Variants in FER1L5 observed in about 807,000 individuals in gnomAD.
FER1L5 encodes the protein fer-1 like family member 5.
Under a neutral mutation model 279.9 loss-of-function variants are expected in FER1L5, and 187 were observed. The observed-to-expected ratio is 0.67, with a 90% confidence interval of 0.59 to 0.75. The LOEUF (loss-of-function observed/expected upper bound fraction) is 0.75. Among genes scored for constraint, FER1L5 ranks in the 30% least tolerant of loss-of-function variants. The pLI, the probability that FER1L5 is intolerant of heterozygous loss-of-function variation, is 0.00. For missense variants in FER1L5, 2,091 were observed against 2,594.4 expected (o/e 0.81, Z 4.21); for synonymous variants, 921 against 989.7 (o/e 0.93, Z 1.30).
rs561334727 is a variant in FER1L5, at chr2:96,704,281, A to G, written c.5868A>G (p.Lys1956=). 9 of 1,613,938 alleles carry G rather than the reference A, an allele frequency of 5.6e-6. No homozygotes were observed. The South Asian group carries it at 6.6e-5, about 12-fold the overall frequency. ...PVQNFCYIFW[K]RYRFKLIAFM... Reference sequence around the variant, plus strand: ...AAAACTTCTGCTATATTTTCTGGAAACGCTATCGCTTCAAACTCATAGCCT... The same window carrying G: ...AAAACTTCTGCTATATTTTCTGGAAGCGCTATCGCTTCAAACTCATAGCCT... The change falls in exon 52 of 53, where the codon AAA becomes AAG. Residue 1956 remains lysine (K), a synonymous_variant. Transcript: ENST00000624922.
At chr2:96,668,708 A>C (rs1487061857) in intron 14 of FER1L5, 43 bp from the exon 15 acceptor site, 22 of 1,550,446 alleles carry the variant, frequency 1.4e-5, no homozygotes, top group Non-Finnish European at 1.8e-5. Flanking sequence ...GGGCCAGACC[A>C]TCCCAATGTG....
intron 23 of FER1L5, among the ~76,000 whole-genome samples, chr2:96,687,515 G>A (rs1295499147): frequency 2.6e-5 from 4 of 152,252 alleles, no homozygotes; most frequent in Non-Finnish European, 5.9e-5. Flanking sequence ...AACTGGCACA[G>A]TGCCAGCCCA....
chr2:96,654,705 G>A (rs2075525908), intron 9 of FER1L5: 1 of 298,846 alleles, frequency 3.3e-6, no homozygotes, highest in Non-Finnish European at 6.1e-6. Flanking sequence ...CGAGACCATC[G>A]TGGCTAACAC....
intron 1 of FER1L5, 117 bp from the exon 2 acceptor site, chr2:96,646,284 C>A: frequency 1.9e-6 from 2 of 1,071,234 alleles, no homozygotes; most frequent in Non-Finnish European, 2.7e-6. Context: ...AGGCGTTAGC[C>A]ACCATGCCCG....
chr2:96,698,285 T>C lies in FER1L5; in HGVS notation c.4356+129T>C. The C allele has an allele frequency of 7.4e-7, 1 of 1,358,814 alleles. No individual in the cohort carries two copies. The highest frequency in any genetic ancestry group is 1.5e-5 in the South Asian group (1 of 66,180). 84.2% of individuals were successfully genotyped at this position (1,358,814 alleles called of 1,614,324 possible). A position where few individuals can be genotyped will look rare whatever the true frequency, so the allele number is the denominator to read the frequency against. On this transcript the variant is annotated intron_variant, in intron 40 of 52. Coordinates refer to ENST00000624922, the MANE Select transcript of FER1L5 (RefSeq NM_001293083.2). The surrounding 1 kb of genome is among the most constrained non-coding windows in gnomAD (Gnocchi z 5.5). The stretch of plus-strand genomic sequence containing the variant: ...GCAGGGCTTGAGAACGTTCTGGGAG[T>C]GGAGGAGCAGAGATTCGCCTCCACA...
intron 9 of FER1L5, among the ~76,000 whole-genome samples, chr2:96,657,598 G>T (rs991813206): frequency 2.0e-5 from 3 of 151,846 alleles, no homozygotes; most frequent in Non-Finnish European, 4.4e-5. Flanking sequence ...CCCTCCATCC[G>T]CAGACAACCA....
rs199818112 is a variant in FER1L5 at position 96,670,128 on chromosome 2, G to A, written c.1372G>A (p.Asp458Asn). 3.6e-4 allele frequency: 566 copies of A among 1,551,466 alleles called. No individual in the cohort carries two copies. The highest frequency in any genetic ancestry group is 6.3e-4 in the African/African-American group (46 of 73,080). ...CTCTCGCTTGCCCTAGTGTATTCCCGACTCTGTTAGGGATGGTTTAGCTTA... is the reference window on the plus strand; with the variant it reads ...CTCTCGCTTGCCCTAGTGTATTCCCAACTCTGTTAGGGATGGTTTAGCTTA... Reference protein sequence around the residue: ...RIQEEGACIPDSVRDGLAYRG... With the variant: ...RIQEEGACIPNSVRDGLAYRG... The change falls in exon 18 of 53, where the codon GAC (aspartate) becomes AAC (asparagine). Residue 458 changes from aspartate (D) to asparagine (N), a missense_variant. By Grantham distance (23) the Asp-to-Asn change is conservative. Coordinates refer to ENST00000624922, the MANE Select transcript of FER1L5 (RefSeq NM_001293083.2).
Position 96,685,339 on chromosome 2 carries a change from T to C in FER1L5, c.1805T>C (p.Leu602Pro), listed in dbSNP as rs766751702. The stretch of plus-strand genomic sequence containing the variant: ...TCTCCTGCTGGGCAGAAAGCCAACC[T>C]GGACACCCTGAAATCCACGCGGAAT... Reference protein sequence around the residue: ...HFTRDRLKANLDTLKSTRNPK... With the variant: ...HFTRDRLKANPDTLKSTRNPK... The change falls in exon 21 of 53, where the codon CTG (leucine) becomes CCG (proline). Residue 602 changes from leucine to proline, a missense_variant. Coordinates refer to ENST00000624922, the MANE Select transcript of FER1L5 (RefSeq NM_001293083.2). The C allele has an allele frequency of 6.4e-7, 1 of 1,551,284 alleles. No individual in the cohort carries two copies. Among genetic ancestry groups the C allele is most frequent in the Non-Finnish European group, 8.7e-7 (1 of 1,146,830 alleles).
chr2:96,681,878 C>T (rs542392768), intron 19 of FER1L5, among the ~76,000 whole-genome samples: 5 of 151,410 alleles, frequency 3.3e-5, no homozygotes, highest in African/African-American at 4.9e-5. Context: ...CACCACCTCT[C>T]GGGTTCAAGC....
In FER1L5 at chr2:96,687,951, A is replaced by T. The variant is rs1360178762; in HGVS notation, c.2361+4A>T. The T allele has an allele frequency of 1.3e-6, 2 of 1,550,390 alleles. No homozygotes were observed. Among genetic ancestry groups the T allele is most frequent in the Non-Finnish European group, 1.7e-6 (2 of 1,146,786 alleles). On this transcript the variant is annotated splice_donor_region_variant and intron_variant, in intron 24 of 52. Transcript: ENST00000624922. The stretch of plus-strand genomic sequence containing the variant: ...CACAGCGGTGTACGCCGAGATGGTG[A>T]GTGGTGAGCGGCAGCCCAAGGCCAG...
In FER1L5 at chr2:96,684,470, G is replaced by A. The variant is rs1480742184; in HGVS notation, c.1794+19G>A. 23 of 1,546,614 alleles carry A rather than the reference G, an allele frequency of 1.5e-5. No homozygotes were observed. The highest frequency in any genetic ancestry group is 9.8e-5 in the East Asian group (4 of 40,830). ...CCGCCTGGTGAGTGGTGCGGGAGCC[G>A]ATGCTGGGAAGACACCTGTTTCAGA... On this transcript the variant is annotated intron_variant, in intron 20 of 52. Coordinates refer to ENST00000624922, the MANE Select transcript of FER1L5 (RefSeq NM_001293083.2).
At chr2:96,653,366 A>T (rs2075463374) in intron 7 of FER1L5, 1 of 434,678 alleles carries the variant, frequency 2.3e-6, no homozygotes. Flanking sequence ...GCATTGTACC[A>T]GTTCAGCATT....
In FER1L5 at chr2:96,698,973, C is replaced by A; in HGVS notation, c.4519-72C>A. 1 of 1,538,098 alleles carries A rather than the reference C, an allele frequency of 6.5e-7. No individual in the cohort carries two copies. Reference sequence around the variant, plus strand: ...GTGCGAGGGGCTTGTTTCCACCCTCCTCCCACCCTCCCTGACAAACCTGGA... The same window carrying A: ...GTGCGAGGGGCTTGTTTCCACCCTCATCCCACCCTCCCTGACAAACCTGGA... On this transcript the variant is annotated intron_variant, in intron 41 of 52. Coordinates refer to ENST00000624922, the MANE Select transcript of FER1L5 (RefSeq NM_001293083.2). This position sits in a 1 kb window ranked among gnomAD's most constrained non-coding sequence, Gnocchi z 5.5.
chr2:96,684,737 CAGAG>C (rs1023011183), intron 20 of FER1L5, among the ~76,000 whole-genome samples: 2 of 151,940 alleles, frequency 1.3e-5, no homozygotes, highest in African/African-American at 4.8e-5. Context: ...GCTATAGGGT[CAGAG>C]AGAGAAGATG....
At chr2:96,701,386 G>A (rs186250377) in intron 45 of FER1L5, among the ~76,000 whole-genome samples, 1 of 152,218 alleles carries the variant, frequency 6.6e-6, no homozygotes, top group South Asian at 2.1e-4. Flanking sequence ...AATGAGGTCA[G>A]GTGGTCTGAA....
At chr2:96,675,487 T>G (rs186955769) in intron 19 of FER1L5, among the ~76,000 whole-genome samples, 1 of 152,274 alleles carries the variant, frequency 6.6e-6, no homozygotes, top group Non-Finnish European at 1.5e-5. Flanking sequence ...AGTGCAATGG[T>G]ACAATCTCAG....
intron 9 of FER1L5, among the ~76,000 whole-genome samples, chr2:96,655,141 A>G (rs917848368): frequency 2.0e-5 from 3 of 152,174 alleles, no homozygotes; most frequent in Admixed American, 1.3e-4. Flanking sequence ...CTCTGCCTCC[A>G]GGAAGTAGAA....
At position 96,690,462 on chromosome 2, in the gene FER1L5, G is replaced by T; in HGVS notation, c.2641-25G>T. Reference sequence around the variant, plus strand: ...CCTCCTCCCAGCTCATGTGCCCCTCGCTCGCCCTCTCTGTCCACCTGCAGA... The same window carrying T: ...CCTCCTCCCAGCTCATGTGCCCCTCTCTCGCCCTCTCTGTCCACCTGCAGA... On this transcript the variant is annotated intron_variant, in intron 26 of 52. Coordinates refer to ENST00000624922, the MANE Select transcript of FER1L5 (RefSeq NM_001293083.2). 4 of 1,548,670 alleles carry T rather than the reference G, an allele frequency of 2.6e-6. 1 individual carries two copies. In the South Asian group the frequency reaches 4.8e-5, roughly 18 times the overall value.
rs2077054419 is a variant in FER1L5, at chr2:96,689,395, G to C, written c.2525+19G>C. 1 of 1,545,266 alleles carries C rather than the reference G, an allele frequency of 6.5e-7. No individual in the cohort carries two copies. Among genetic ancestry groups the C allele is most frequent in the Admixed American group, 2.0e-5 (1 of 48,900 alleles). ...AGAGAAGGTAAGGCCAGAGGGGGCA[G>C]GCCCCACCAGAGGGGACACTTCACC... is the stretch of plus-strand genomic sequence containing the variant. On this transcript the variant is annotated intron_variant, in intron 25 of 52. Transcript: ENST00000624922. The surrounding 1 kb of genome is among the most constrained non-coding windows in gnomAD (Gnocchi z 4.6).
Sources: allele counts gnomAD v4.1 joint callset (sites outside exome capture counted in the v4.1 genomes callset), GRCh38; gene constraint gnomAD v4.1.1; non-coding constraint Gnocchi (gnomAD v3.1); transcripts MANE v1.5; gene names NCBI Gene and HGNC (gene_info 2026-07-23, HGNC 2026-07-21).